Variants in DNAJC4 observed in about 807,000 individuals in gnomAD.
DNAJC4 encodes the protein dnaJ homolog subfamily C member 4.
A neutral mutation model predicts 26.8 loss-of-function variants in DNAJC4; 26 were observed. The ratio of observed to expected loss-of-function variants is 0.97; its 90% CI spans 0.71 to 1.34. DNAJC4 has a LOEUF of 1.34. DNAJC4 is among the 40% of genes most tolerant of loss of function. The pLI, the probability that DNAJC4 is intolerant of heterozygous loss-of-function variation, is 0.00. For missense variants in DNAJC4, 342 were observed against 321.1 expected (o/e 1.07, Z -0.50); for synonymous variants, 134 against 127.8 (o/e 1.05, Z -0.33).
intron 4 of DNAJC4, 189 bp downstream of exon 4, chr11:64,233,054 T>C (rs1947197990): frequency 1.9e-6 from 1 of 525,298 alleles, no homozygotes; most frequent in South Asian, 6.7e-5. Context: ...AGAGCTAACG[T>C]TGTCATTTAC....
Position 64,230,593 on chromosome 11 carries a change from T to A in DNAJC4, c.-262T>A, listed in dbSNP as rs1424736027. 1 of 608,162 alleles carries A rather than the reference T, an allele frequency of 1.6e-6. No homozygotes were observed. Among genetic ancestry groups the A allele is most frequent in the African/African-American group, 1.9e-5 (1 of 53,936 alleles). The allele number at this position is 608,162 out of a possible 1,614,324, so 37.7% of individuals were successfully genotyped here. ...AGTTCCCTGGGTGGGAACGGGGTCT[T>A]GGGGTCCCTGGCTGGGTGGCCAGAC... On this transcript the variant is annotated 5_prime_UTR_variant, in exon 1 of 6. Coordinates refer to ENST00000628077, the MANE Select transcript of DNAJC4 (RefSeq NM_005528.4).
intron 2 of DNAJC4, 54 bp from the exon 3 acceptor site, chr11:64,232,376 G>A: frequency 6.6e-7 from 1 of 1,508,872 alleles, no homozygotes; most frequent in Non-Finnish European, 8.8e-7. Context: ...CATCAGCATG[G>A]GTCCTGGGGA....
rs185616590 is a variant in DNAJC4, at chr11:64,232,078, C to T, written c.180+114C>T. On this transcript the variant is annotated intron_variant, in intron 2 of 5. Coordinates refer to ENST00000628077, the MANE Select transcript of DNAJC4 (RefSeq NM_005528.4). ...CTGGCGGGTGCCACATTTTTTCAGC[C>T]CTCATAGGGAGTGGCAGGTGCTCAA... The T allele has an allele frequency of 2.7e-6, 3 of 1,099,088 alleles. No homozygotes were observed. The East Asian group carries it at 7.4e-5, about 27-fold the overall frequency. The allele number at this position is 1,099,088 out of a possible 1,614,324, so 68.1% of individuals were successfully genotyped here.
In DNAJC4 at chr11:64,234,109, G is replaced by C. The variant is rs374731609; in HGVS notation, c.651G>C (p.Arg217=). ...GCATCCTTCAGCAGGAGCGACAACG[G>C]CTAGGGCAGCGGCAGCCGCCACCAT... ...NRGILQQERQ[R]LGQRQPPPSE... is the part of the protein sequence containing the mutation. Residue 217 remains arginine (R), a synonymous_variant, in exon 6 of 6, where the codon CGG becomes CGC. Transcript: ENST00000628077. The surrounding 1 kb of genome is among the most constrained non-coding windows in gnomAD (Gnocchi z 5.3). 4.4e-6 allele frequency: 7 copies of C among 1,606,126 alleles called. No individual in the cohort carries two copies. Among genetic ancestry groups the C allele is most frequent in the Admixed American group, 1.7e-5 (1 of 58,820 alleles).
In DNAJC4 at chr11:64,232,722, C is replaced by T. The variant is rs372252507; in HGVS notation, c.384C>T (p.Asn128=). The part of the protein sequence containing the change: ...HQTHSSWTPP[N]AQYWSQFHSV... ...CCAGCAGCTCCTGGACACCCCCCAA[C>T]GCACAGTACTGGTCCCAGTTTCACA... Residue 128 remains asparagine, a synonymous_variant, in exon 4 of 6, where the codon AAC becomes AAT. Transcript: ENST00000628077. 8 of 1,599,558 alleles carry T rather than the reference C, an allele frequency of 5.0e-6. No individual in the cohort carries two copies. Among genetic ancestry groups the T allele is most frequent in the African/African-American group, 4.0e-5 (3 of 74,604 alleles).
At chr11:64,231,041 A>C (rs993430725) in intron 1 of DNAJC4, 101 bp downstream of exon 1, 1 of 1,453,860 alleles carries the variant, frequency 6.9e-7, no homozygotes, top group Admixed American at 2.0e-5. Flanking sequence ...GGAGGCTCCC[A>C]GGTTTGTCTC....
At position 64,231,768 on chromosome 11, in the gene DNAJC4, G is replaced by C. The variant is rs3741404; in HGVS notation, c.87-103G>C. On this transcript the variant is annotated intron_variant, in intron 1 of 5. Coordinates refer to ENST00000628077, the MANE Select transcript of DNAJC4 (RefSeq NM_005528.4). ...CTGTCCTGGGACCTGTTTCAGCCCT[G>C]TCAGCTCCTGGTGGCTGAGTTGAAG... 0.33 allele frequency: 345,898 copies of C among 1,061,042 alleles called. 58,351 individuals carry two copies. The highest frequency in any genetic ancestry group is 0.39 in the Admixed American group (21,297 of 54,076). The allele number at this position is 1,061,042 out of a possible 1,614,324, so 65.7% of individuals were successfully genotyped here.
At position 64,232,809 on chromosome 11, in the gene DNAJC4, G is replaced by A; in HGVS notation, c.471G>A (p.Leu157=). Residue 157 remains leucine (L), a synonymous_variant, in exon 4 of 6, where the codon CTG becomes CTA. Transcript: ENST00000628077. ...AACACAAACAAAACAAACAAGTGCT[G>A]GGGTACTGCCTCCTCCTCATGCTGG... ...QQQHKQNKQV[L]GYCLLLMLAG... 1 of 1,613,146 alleles carries A rather than the reference G, an allele frequency of 6.2e-7. No homozygotes were observed. Among genetic ancestry groups the A allele is most frequent in the African/African-American group, 1.3e-5 (1 of 75,010 alleles).
Sources: allele counts gnomAD v4.1 joint callset, GRCh38; gene constraint gnomAD v4.1.1; non-coding constraint Gnocchi (gnomAD v3.1); transcripts MANE v1.5; gene names NCBI Gene and HGNC (gene_info 2026-07-23, HGNC 2026-07-21).